The following CNTNAP2 variants were observed in gnomAD, a reference collection of about 807,000 sequenced individuals.
CNTNAP2 encodes the protein contactin-associated protein-like 2.
CNTNAP2 carries 98 observed loss-of-function variants against 155.2 expected under a neutral mutation model. That is an observed-to-expected ratio of 0.63 (90% confidence interval 0.54 to 0.75). The LOEUF is 0.75. Ranked by LOEUF, CNTNAP2 falls within the 30% of genes least tolerant of loss-of-function variation. The pLI, the probability that CNTNAP2 is intolerant of heterozygous loss-of-function variation, is 0.00. For synonymous variants in CNTNAP2, 651 were observed against 631.2 expected, an observed-to-expected ratio of 1.03 and a Z score of -0.47; for missense variants, 1,727 against 1,688.1, an observed-to-expected ratio of 1.02 and a Z score of -0.40.
At chr7:147,904,362 A>C (rs1270024350) in intron 14 of CNTNAP2, among the ~76,000 whole-genome samples, 3 of 152,202 alleles carry the variant, frequency 2.0e-5, no homozygotes, top group Non-Finnish European at 4.4e-5. Context: ...GGTCTGTGTC[A>C]GTAACAGATA....
intron 10 of CNTNAP2, among the ~76,000 whole-genome samples, chr7:147,456,679 G>GA (rs892541219): frequency 2.6e-5 from 4 of 151,004 alleles, no homozygotes; most frequent in African/African-American, 4.9e-5. Context: ...ATTAATCACA[G>GA]AAAAAAATAC....
intron 15 of CNTNAP2, among the ~76,000 whole-genome samples, chr7:148,097,340 T>TAAAAAAAAAAAAAAAAAAACAAAAAA (rs1803993938): frequency 1.3e-5 from 1 of 78,492 alleles, no homozygotes; most frequent in African/African-American, 4.8e-5. Flanking sequence ...GTGTCATTTG[T>TAAAAAAAAAAAAAAAAAAACAAAAAA]AAAAAAAAAA....
intron 1 of CNTNAP2, among the ~76,000 whole-genome samples, chr7:146,641,648 C>G (rs1799709910): frequency 6.6e-6 from 1 of 152,038 alleles, no homozygotes; most frequent in South Asian, 2.1e-4. Flanking sequence ...TGACAGTGGC[C>G]CAGTATCATG....
chr7:146,195,231 A>C (rs1427565246), intron 1 of CNTNAP2: 1 of 152,138 alleles, frequency 6.6e-6, no homozygotes, highest in African/African-American at 2.4e-5. Context: ...GAATGGCTTG[A>C]TTTTCTTTGG....
intron 8 of CNTNAP2, among the ~76,000 whole-genome samples, chr7:147,235,972 T>C (rs547038006): frequency 6.6e-6 from 1 of 152,356 alleles, no homozygotes; most frequent in African/African-American, 2.4e-5. Flanking sequence ...CCCAATGTCA[T>C]AGGGTTCATT....
chr7:148,288,130 C>T (rs1381781833), intron 21 of CNTNAP2, among the ~76,000 whole-genome samples: 9 of 134,320 alleles, frequency 6.7e-5, no homozygotes, highest in African/African-American at 2.5e-4. Flanking sequence ...AAGACAGTCT[C>T]ACACTGTCGC....
intron 1 of CNTNAP2, among the ~76,000 whole-genome samples, chr7:146,232,816 A>T (rs1427478804): frequency 1.3e-5 from 2 of 152,162 alleles, no homozygotes; most frequent in Non-Finnish European, 2.9e-5. Context: ...TGACAAAAAC[A>T]ATGTCAAAGA....
At position 148,416,117 on chromosome 7, in the gene CNTNAP2, T is replaced by TG. The variant is rs1799982647; in HGVS notation, c.*502dup. The TG allele has an allele frequency of 1.2e-5, 2 of 161,442 alleles. No homozygotes were observed. Among genetic ancestry groups the TG allele is most frequent in the Admixed American group, 1.2e-4 (2 of 16,882 alleles). 10.0% of individuals were successfully genotyped at this position (161,442 alleles called of 1,614,324 possible). Reference sequence around the variant, plus strand: ...CGTGTTTATATACTATTTCCTTTGATGTCCTATAAGTCGGAAAAGAAAGGG... The same window carrying TG: ...CGTGTTTATATACTATTTCCTTTGATGGTCCTATAAGTCGGAAAAGAAAGGG... On this transcript the variant is annotated 3_prime_UTR_variant, in exon 24 of 24. Transcript: ENST00000361727.
chr7:147,592,813 C>A (rs973028834), intron 12 of CNTNAP2, among the ~76,000 whole-genome samples: 1 of 152,074 alleles, frequency 6.6e-6, no homozygotes, highest in Non-Finnish European at 1.5e-5. Context: ...CAGGTCTAGG[C>A]CCTAAGGACA....
chr7:148,313,680 A>G (rs1797636443), intron 21 of CNTNAP2, among the ~76,000 whole-genome samples: 1 of 152,156 alleles, frequency 6.6e-6, no homozygotes, highest in African/African-American at 2.4e-5. Flanking sequence ...CTATTATTGT[A>G]CACCTTGAAG....
intron 1 of CNTNAP2, among the ~76,000 whole-genome samples, chr7:146,186,054 G>A (rs1203064119): frequency 6.6e-6 from 1 of 152,016 alleles, no homozygotes; most frequent in Non-Finnish European, 1.5e-5. Flanking sequence ...CGTAATAGAT[G>A]TGTCAGTGCA....
intron 21 of CNTNAP2, among the ~76,000 whole-genome samples, chr7:148,289,463 G>A (rs966581482): frequency 1.3e-5 from 2 of 152,136 alleles, no homozygotes; most frequent in Non-Finnish European, 2.9e-5. Context: ...AGAGATTTGA[G>A]GCAGCCCTCA....
intron 1 of CNTNAP2, among the ~76,000 whole-genome samples, chr7:146,444,788 G>A (rs1235313914): frequency 2.0e-5 from 3 of 151,718 alleles, no homozygotes; most frequent in Non-Finnish European, 4.4e-5. Context: ...CTCCCGTGTA[G>A]CTGGGATTAC....
At chr7:147,139,219 A>T (rs1801549480) in intron 8 of CNTNAP2, among the ~76,000 whole-genome samples, 1 of 152,082 alleles carries the variant, frequency 6.6e-6, no homozygotes, top group Non-Finnish European at 1.5e-5. Context: ...GTACATATAC[A>T]ATGTGGTCCT....
chr7:147,023,647 A>G (rs973940443), intron 3 of CNTNAP2, among the ~76,000 whole-genome samples: 1 of 152,154 alleles, frequency 6.6e-6, no homozygotes, highest in African/African-American at 2.4e-5. Context: ...GAATTTATTC[A>G]TCACTAAATC....
intron 13 of CNTNAP2, among the ~76,000 whole-genome samples, chr7:147,741,905 A>G (rs1442409810): frequency 6.6e-6 from 1 of 152,166 alleles, no homozygotes; most frequent in African/African-American, 2.4e-5. Context: ...GACGTACCAG[A>G]GACTGGGCAA....
intron 8 of CNTNAP2, among the ~76,000 whole-genome samples, chr7:147,242,941 G>A (rs1364966150): frequency 2.4e-5 from 3 of 122,878 alleles, no homozygotes; most frequent in African/African-American, 9.6e-5. Context: ...TGATGAATTT[G>A]TGGTCATTAT....
intron 1 of CNTNAP2, among the ~76,000 whole-genome samples, chr7:146,474,010 G>A (rs1230833693): frequency 1.3e-5 from 2 of 152,104 alleles, no homozygotes; most frequent in Non-Finnish European, 2.9e-5. Flanking sequence ...GATGGCCGAG[G>A]TCATTTTAAT....
rs559993940 is a variant in CNTNAP2 at position 147,029,851 on chromosome 7, T to C, written c.403-14056T>C. ...TAAAATTGAAAGATGGTAATTTACC[T>C]TGCTATCACAAATAATTCTCACATT... On this transcript the variant is annotated intron_variant, in intron 3 of 23. Transcript: ENST00000361727. Among the ~76,000 whole-genome samples the C allele has an allele frequency of 2.2e-3, 331 of 152,340 alleles. 3 individuals are homozygous for C. The highest frequency in any genetic ancestry group is 7.6e-3 in the African/African-American group (314 of 41,570).
Sources: allele counts gnomAD v4.1 joint callset (sites outside exome capture counted in the v4.1 genomes callset), GRCh38; gene constraint gnomAD v4.1.1; transcripts MANE v1.5; gene names NCBI Gene and HGNC (gene_info 2026-07-23, HGNC 2026-07-21).